SGCZ: variants seen among roughly 807,000 people sequenced by gnomAD.
SGCZ encodes the protein sarcoglycan zeta, also known as zeta-sarcoglycan.
Under a neutral mutation model 41.3 loss-of-function variants are expected in SGCZ, and 40 were observed. The ratio of observed to expected loss-of-function variants is 0.97; its 90% CI spans 0.75 to 1.26. The LOEUF (loss-of-function observed/expected upper bound fraction) is 1.26. Ranked by LOEUF, SGCZ falls within the 50% of genes most tolerant of loss-of-function variation. The pLI is 0.00. For missense variants in SGCZ, 552 were observed against 369.8 expected (o/e 1.49, Z -4.04); for synonymous variants, 206 against 137.5 (o/e 1.50, Z -3.49).
intron 2 of SGCZ, among the ~76,000 whole-genome samples, chr8:14,535,137 T>G (rs1282591703): frequency 6.6e-6 from 1 of 151,990 alleles, no homozygotes; most frequent in East Asian, 1.9e-4. Flanking sequence ...GTGTGAACAT[T>G]TTGTTCAGGG....
intron 1 of SGCZ, among the ~76,000 whole-genome samples, chr8:14,940,881 T>C (rs147491624): frequency 7.2e-5 from 11 of 152,226 alleles, no homozygotes; most frequent in African/African-American, 2.6e-4. Flanking sequence ...GACTACATTG[T>C]TAACATATAA....
intron 2 of SGCZ, among the ~76,000 whole-genome samples, chr8:14,491,455 T>C (rs922996808): frequency 6.6e-6 from 1 of 152,208 alleles, no homozygotes; most frequent in Non-Finnish European, 1.5e-5. Flanking sequence ...GTCTAACTAG[T>C]GGTTGGACAC....
At chr8:14,434,728 C>T (rs1275816661) in intron 2 of SGCZ, among the ~76,000 whole-genome samples, 2 of 152,002 alleles carry the variant, frequency 1.3e-5, no homozygotes, top group Admixed American at 1.3e-4. Context: ...TTTTTTGCAA[C>T]AGCTATTGTA....
At chr8:14,090,897 G>C (rs1027292590) in intron 7 of SGCZ, among the ~76,000 whole-genome samples, 15 of 152,078 alleles carry the variant, frequency 9.9e-5, no homozygotes, top group African/African-American at 3.6e-4. Context: ...ATACGCTTAA[G>C]GGGCCAACCC....
chr8:14,182,497 T>C (rs752358459), intron 4 of SGCZ, among the ~76,000 whole-genome samples: 23 of 152,158 alleles, frequency 1.5e-4, no homozygotes, highest in African/African-American at 1.9e-4. Flanking sequence ...GAAGCCTTAC[T>C]CATCTACTCA....
intron 3 of SGCZ, among the ~76,000 whole-genome samples, chr8:14,252,697 C>T (rs1029998144): frequency 1.3e-5 from 2 of 152,068 alleles, no homozygotes; most frequent in African/African-American, 2.4e-5. Flanking sequence ...ACAAAATTTT[C>T]AAGAGGCTCA....
At chr8:14,747,705 TTGTG>T (rs59524830) in intron 1 of SGCZ, among the ~76,000 whole-genome samples, 1,386 of 136,558 alleles carry the variant, frequency 0.01, 14 homozygotes, top group Middle Eastern at 0.022. Context: ...GTGTGTGTAT[TTGTG>T]TGTGTGTGTG....
intron 1 of SGCZ, among the ~76,000 whole-genome samples, chr8:14,747,879 A>ATTTTTTTTTT (rs375144725): frequency 7.7e-6 from 1 of 130,336 alleles, no homozygotes; most frequent in Non-Finnish European, 1.6e-5. Flanking sequence ...CAACTGACTA[A>ATTTTTTTTTT]TTTTTTTTTT....
intron 1 of SGCZ, among the ~76,000 whole-genome samples, chr8:14,834,597 G>C (rs1802636049): frequency 1.3e-5 from 2 of 152,138 alleles, no homozygotes; most frequent in African/African-American, 4.8e-5. Flanking sequence ...AGCAAGAAAA[G>C]GAGAGAAACT....
At chr8:14,555,944 T>C (rs1052159633) in intron 1 of SGCZ, among the ~76,000 whole-genome samples, 1 of 152,070 alleles carries the variant, frequency 6.6e-6, no homozygotes, top group Non-Finnish European at 1.5e-5. Context: ...ACACTATATA[T>C]TATACCATAC....
At chr8:14,164,457 C>G in intron 5 of SGCZ, 123 bp downstream of exon 5, 1 of 1,186,238 alleles carries the variant, frequency 8.4e-7, no homozygotes, top group Non-Finnish European at 1.2e-6. Flanking sequence ...GAAGAACAAA[C>G]GTTGTGATTA....
At chr8:15,097,224 ATAAT>A (rs1272036198) in intron 1 of SGCZ, among the ~76,000 whole-genome samples, 3 of 152,176 alleles carry the variant, frequency 2.0e-5, no homozygotes, top group Admixed American at 1.3e-4. Context: ...ACGTGTATAA[ATAAT>A]TACTCTAATG....
intron 1 of SGCZ, among the ~76,000 whole-genome samples, chr8:14,771,748 C>G (rs2130394968): frequency 6.6e-6 from 1 of 152,098 alleles, no homozygotes; most frequent in Non-Finnish European, 1.5e-5. Context: ...GTTTCACATT[C>G]CATTTATTTT....
intron 1 of SGCZ, among the ~76,000 whole-genome samples, chr8:15,159,753 C>CA (rs1554468762): frequency 8.5e-5 from 3 of 35,256 alleles, no homozygotes; most frequent in Non-Finnish European, 1.3e-4. Flanking sequence ...CTCCCCCCCA[C>CA]CCCCGCCACA....
intron 1 of SGCZ, among the ~76,000 whole-genome samples, chr8:14,582,800 T>C (rs921492759): frequency 7.3e-5 from 11 of 151,356 alleles, no homozygotes; most frequent in Non-Finnish European, 5.9e-5. Flanking sequence ...AGAATGATGA[T>C]TTCCAGTTTC....
At position 14,085,978 on chromosome 8, in the gene SGCZ, G is replaced by A. The variant is rs1263499593; in HGVS notation, c.*4465C>T. On this transcript the variant is annotated 3_prime_UTR_variant, in exon 8 of 8. Transcript: ENST00000382080. ...TCAGTATAAAACAACATGAATAACAGTGTTCAATTAAATTATTGATTAGTT... is the reference window on the plus strand; with the variant it reads ...TCAGTATAAAACAACATGAATAACAATGTTCAATTAAATTATTGATTAGTT... 2.2e-4 allele frequency among the ~76,000 whole-genome samples: 34 copies of A among 151,682 alleles called. 1 individual carries two copies. The highest frequency in any genetic ancestry group is 2.2e-3 in the Admixed American group (33 of 15,164).
At chr8:14,380,917 T>G (rs1804337828) in intron 2 of SGCZ, among the ~76,000 whole-genome samples, 1 of 152,100 alleles carries the variant, frequency 6.6e-6, no homozygotes, top group Non-Finnish European at 1.5e-5. Flanking sequence ...TAAAACTACC[T>G]TTCATGTTCT....
chr8:14,238,101 T>A (rs1563204068), intron 3 of SGCZ, among the ~76,000 whole-genome samples: 2 of 152,244 alleles, frequency 1.3e-5, no homozygotes, highest in Non-Finnish European at 2.9e-5. Flanking sequence ...AATTGGCTCA[T>A]CTAATCAGTG....
At chr8:14,714,013 G>T (rs1165101798) in intron 1 of SGCZ, among the ~76,000 whole-genome samples, 1 of 152,038 alleles carries the variant, frequency 6.6e-6, no homozygotes, top group Non-Finnish European at 1.5e-5. Context: ...CTGTACCCAG[G>T]CTGGAGTGCA....
Sources: allele counts gnomAD v4.1 joint callset (sites outside exome capture counted in the v4.1 genomes callset), GRCh38; gene constraint gnomAD v4.1.1; transcripts MANE v1.5; gene names NCBI Gene and HGNC (gene_info 2026-07-23, HGNC 2026-07-21).